The following USP48 variants were observed in gnomAD, a reference collection of about 807,000 sequenced individuals.
The protein encoded by USP48 is ubiquitin carboxyl-terminal hydrolase 48.
A neutral mutation model predicts 150.7 loss-of-function variants in USP48; 43 were observed. The observed-to-expected ratio is 0.29, with a 90% CI of 0.22 to 0.37. The LOEUF is 0.37. USP48 is among the 10% of genes least tolerant of loss of function. USP48 has a pLI of 1.00. For missense variants in USP48, 813 were observed against 1,249.6 expected (o/e 0.65, Z 5.27); for synonymous variants, 396 against 425.9 (o/e 0.93, Z 0.86).
intron 26 of USP48, 114 bp downstream of exon 26, chr1:21,680,694 G>A: frequency 9.8e-7 from 1 of 1,022,614 alleles, no homozygotes; most frequent in South Asian, 1.5e-5. Context: ...ATTAATTTCA[G>A]TCATGAGACT....
At chr1:21,747,487 G>C in intron 7 of USP48, among the ~76,000 whole-genome samples, 1 of 152,258 alleles carries the variant, frequency 6.6e-6, no homozygotes, top group Middle Eastern at 3.4e-3. Flanking sequence ...TTCCCATGGC[G>C]GGGGTGTAAT....
intron 12 of USP48, among the ~76,000 whole-genome samples, chr1:21,722,482 T>A (rs1440843760): frequency 6.6e-6 from 1 of 150,406 alleles, no homozygotes; most frequent in African/African-American, 2.5e-5. Context: ...TAGGCTGTAG[T>A]GCACTACGAT....
At chr1:21,752,194 T>A (rs900382059) in intron 5 of USP48, among the ~76,000 whole-genome samples, 1 of 152,150 alleles carries the variant, frequency 6.6e-6, no homozygotes, top group Admixed American at 6.5e-5. Context: ...TGTTGTATAT[T>A]GTACTCATGC....
intron 22 of USP48, among the ~76,000 whole-genome samples, chr1:21,697,153 CAGA>C (rs915496904): frequency 2.0e-5 from 3 of 151,958 alleles, no homozygotes; most frequent in African/African-American, 4.8e-5. Context: ...GTTTACAAAG[CAGA>C]AGGTGATCAA....
intron 22 of USP48, among the ~76,000 whole-genome samples, chr1:21,698,682 AGATTT>A (rs1478943897): frequency 1.2e-4 from 19 of 152,172 alleles, no homozygotes; most frequent in Non-Finnish European, 2.4e-4. Flanking sequence ...AGGCAATAAA[AGATTT>A]GATTCCCCCA....
intron 6 of USP48, among the ~76,000 whole-genome samples, chr1:21,750,827 A>G (rs555982475): frequency 6.6e-6 from 1 of 151,974 alleles, no homozygotes; most frequent in African/African-American, 2.4e-5. Flanking sequence ...GGTTGCAATG[A>G]GCCAAGATTG....
At chr1:21,758,887 A>G (rs1388110050) in intron 1 of USP48, among the ~76,000 whole-genome samples, 1 of 151,882 alleles carries the variant, frequency 6.6e-6, no homozygotes, top group Non-Finnish European at 1.5e-5. Context: ...AAATAAATCA[A>G]CTGGCTAGGC....
chr1:21,721,780 A>G lies in USP48; in HGVS notation c.1649-16T>C, dbSNP rs866419939. On this transcript the variant is annotated splice_polypyrimidine_tract_variant and intron_variant, in intron 12 of 26. Coordinates refer to ENST00000308271, the MANE Select transcript of USP48 (RefSeq NM_032236.8). ...AGGGCTTTCACTACAGGCAAGAAAG[A>G]ATGAAAGGAAATATATTTCATTCAA... The G allele has an allele frequency of 4.0e-6, 6 of 1,504,706 alleles. No individual in the cohort carries two copies. In the Middle Eastern group the frequency reaches 1.1e-3, roughly 263 times the overall value. The allele number at this position is 1,504,706 out of a possible 1,614,324, so 93.2% of individuals were successfully genotyped here.
chr1:21,690,149 C>T (rs561908130), intron 23 of USP48, 50 bp from the exon 24 acceptor site: 1 of 1,479,602 alleles, frequency 6.8e-7, no homozygotes. Context: ...AATACTAAGA[C>T]TTATACCCTA....
intron 1 of USP48, among the ~76,000 whole-genome samples, chr1:21,778,353 G>A (rs930517472): frequency 6.6e-6 from 1 of 152,014 alleles, no homozygotes; most frequent in Non-Finnish European, 1.5e-5. Context: ...CACCCACTAG[G>A]ATGGCTAAAA....
At chr1:21,692,629 TACC>T (rs1251747248) in intron 23 of USP48, among the ~76,000 whole-genome samples, 2 of 152,212 alleles carry the variant, frequency 1.3e-5, no homozygotes, top group Non-Finnish European at 2.9e-5. Context: ...AATAAGAAGC[TACC>T]GTGTGTCAAG....
At chr1:21,686,231 A>C (rs1310752027) in intron 25 of USP48, 2 of 152,236 alleles carry the variant, frequency 1.3e-5, no homozygotes, top group Admixed American at 1.3e-4. Context: ...ATGTTGAATA[A>C]GAGTGGTGAA....
In USP48 at chr1:21,680,792, G is replaced by T. The variant is rs746477338; in HGVS notation, c.3085+16C>A. On this transcript the variant is annotated intron_variant, in intron 26 of 26. Coordinates refer to ENST00000308271, the MANE Select transcript of USP48 (RefSeq NM_032236.8). ...ACTCTGACATTCATGAACAAAACAT[G>T]ACAAATGTAACTTACCTTTAAACCC... 11 of 1,584,320 alleles carry T rather than the reference G, an allele frequency of 6.9e-6. No individual in the cohort carries two copies. In the Admixed American group the frequency reaches 1.9e-4, roughly 28 times the overall value.
intron 8 of USP48, among the ~76,000 whole-genome samples, chr1:21,743,604 A>C (rs2097786978): frequency 6.6e-6 from 1 of 152,174 alleles, no homozygotes; most frequent in Non-Finnish European, 1.5e-5. Flanking sequence ...TAAAATGCTA[A>C]AGAAGAAAAA....
At chr1:21,765,390 C>T (rs1426690583) in intron 1 of USP48, among the ~76,000 whole-genome samples, 2 of 152,142 alleles carry the variant, frequency 1.3e-5, no homozygotes, top group East Asian at 1.9e-4. Context: ...TCGAGGCAGG[C>T]GGATCACTTG....
intron 11 of USP48, chr1:21,725,078 AAACT>A (rs1248485401): frequency 4.6e-5 from 7 of 152,186 alleles, no homozygotes; most frequent in Non-Finnish European, 1.0e-4. Context: ...CATGTCTAGA[AAACT>A]AACTCCCATT....
chr1:21,732,030 G>C (rs1016295425), intron 9 of USP48, among the ~76,000 whole-genome samples: 1 of 152,136 alleles, frequency 6.6e-6, no homozygotes, highest in Non-Finnish European at 1.5e-5. Flanking sequence ...GTAACTTTCC[G>C]AGAGGTAAGG....
At chr1:21,691,574 G>A (rs1229382100) in intron 23 of USP48, among the ~76,000 whole-genome samples, 1 of 152,194 alleles carries the variant, frequency 6.6e-6, no homozygotes, top group Non-Finnish European at 1.5e-5. Context: ...AGCAGAAGTT[G>A]CAGTAAGCCG....
chr1:21,711,514 C>T lies in USP48; in HGVS notation c.1963+3875G>A, dbSNP rs747788205. Among the ~76,000 whole-genome samples the T allele has an allele frequency of 4.8e-4, 73 of 152,158 alleles. 1 individual carries two copies. Among genetic ancestry groups the T allele is most frequent in the Non-Finnish European group, 6.3e-4 (43 of 68,030 alleles). ...CAAGCTGAGACAGGGATAATTAAAC[C>T]TTTCCACTCTTCAATGCAGGGACTC... is the stretch of plus-strand genomic sequence containing the variant. On this transcript the variant is annotated intron_variant, in intron 15 of 26. Coordinates refer to ENST00000308271, the MANE Select transcript of USP48 (RefSeq NM_032236.8).
Sources: allele counts gnomAD v4.1 joint callset (sites outside exome capture counted in the v4.1 genomes callset), GRCh38; gene constraint gnomAD v4.1.1; transcripts MANE v1.5; gene names NCBI Gene and HGNC (gene_info 2026-07-23, HGNC 2026-07-21).